Variants in RBFOX1 observed in about 807,000 individuals in gnomAD.
RBFOX1 encodes RNA binding protein fox-1 homolog 1.
Under a neutral mutation model 57.7 loss-of-function variants are expected in RBFOX1, and 8 were observed. The ratio of observed to expected loss-of-function variants is 0.14; its 90% CI spans 0.08 to 0.25. The LOEUF is 0.25. RBFOX1 is among the 10% of genes least tolerant of loss of function. The pLI is 1.00. For synonymous variants in RBFOX1, 326 were observed against 222.4 expected (o/e 1.47, Z -4.15); for missense variants, 611 against 548.5 (o/e 1.11, Z -1.14).
At position 6,816,422 on chromosome 16, in the gene RBFOX1, A is replaced by ATTT. The variant is rs34666559; in HGVS notation, c.-16+161788_-16+161790dup. Among the ~76,000 whole-genome samples, 293 of 140,748 alleles carry ATTT rather than the reference A, an allele frequency of 2.1e-3. 3 individuals carry two copies. The highest frequency in any genetic ancestry group is 7.1e-3 in the African/African-American group (271 of 38,222). 92.3% of individuals were successfully genotyped at this position (140,748 alleles called of 152,430 possible). ...GTTGCCAGACTGGCCCCTTCATGTAATTTTTTTTTTTTTTTTTTAAAGAAA... is the reference window on the plus strand; with the variant it reads ...GTTGCCAGACTGGCCCCTTCATGTAATTTTTTTTTTTTTTTTTTTTTAAAGAAA... On this transcript the variant is annotated intron_variant, in intron 3 of 15. Coordinates refer to ENST00000550418, the MANE Select transcript of RBFOX1 (RefSeq NM_018723.4).
At chr16:7,021,129 A>G (rs552388616) in intron 3 of RBFOX1, among the ~76,000 whole-genome samples, 184 of 152,124 alleles carry the variant, frequency 1.2e-3, no homozygotes, top group African/African-American at 4.3e-3. Context: ...CTCTTTTTCA[A>G]AAAAATTGTT....
intron 11 of RBFOX1, among the ~76,000 whole-genome samples, chr16:7,639,012 C>T (rs2062280952): frequency 6.6e-6 from 1 of 151,342 alleles, no homozygotes; most frequent in African/African-American, 2.5e-5. Context: ...AAGATAGGTA[C>T]CCTTCTCCTG....
At chr16:5,354,769 C>T (rs939287509) in intron 1 of RBFOX1, among the ~76,000 whole-genome samples, 2 of 152,202 alleles carry the variant, frequency 1.3e-5, no homozygotes, top group Admixed American at 6.5e-5. Flanking sequence ...GGTACCAGGG[C>T]AGGCTGGAGG....
At chr16:5,587,710 C>T (rs1229877862) in intron 2 of RBFOX1, among the ~76,000 whole-genome samples, 1 of 152,006 alleles carries the variant, frequency 6.6e-6, no homozygotes, top group Non-Finnish European at 1.5e-5. Context: ...GAGACTCTGT[C>T]TCGAAAAAGT....
At chr16:5,470,182 A>C (rs994953714) in intron 2 of RBFOX1, among the ~76,000 whole-genome samples, 2 of 152,182 alleles carry the variant, frequency 1.3e-5, no homozygotes, top group Non-Finnish European at 1.5e-5. Context: ...GCTGGCCTTC[A>C]CCCGTGTTTC....
In RBFOX1 at chr16:6,125,060, T is replaced by C. The variant is rs571967095; in HGVS notation, c.-127+105068T>C. Among the ~76,000 whole-genome samples, 5 of 152,108 alleles carry C rather than the reference T, an allele frequency of 3.3e-5. No individual in the cohort carries two copies. In the South Asian group the frequency reaches 1.0e-3, roughly 32 times the overall value. On this transcript the variant is annotated intron_variant, in intron 1 of 15. Transcript: ENST00000550418. Reference sequence around the variant, plus strand: ...TGAATGACATCACCTAGACAAGTGATCCCCTCCTCAGAGTTCCCCATCCTC... The same window carrying C: ...TGAATGACATCACCTAGACAAGTGACCCCCTCCTCAGAGTTCCCCATCCTC...
At chr16:6,502,837 C>G (rs971775562) in intron 2 of RBFOX1, among the ~76,000 whole-genome samples, 2 of 152,276 alleles carry the variant, frequency 1.3e-5, no homozygotes, top group African/African-American at 2.4e-5. Flanking sequence ...CTCGCTGGTT[C>G]TGGATTGAAT....
At chr16:6,524,679 C>G (rs904011780) in intron 2 of RBFOX1, among the ~76,000 whole-genome samples, 1 of 152,140 alleles carries the variant, frequency 6.6e-6, no homozygotes, top group Admixed American at 6.6e-5. Context: ...AGTCTGAAAT[C>G]AAGATGTCTG....
At chr16:7,043,815 A>G (rs2046979793) in intron 3 of RBFOX1, among the ~76,000 whole-genome samples, 1 of 152,194 alleles carries the variant, frequency 6.6e-6, no homozygotes, top group African/African-American at 2.4e-5. Flanking sequence ...CTCTTGTGTC[A>G]TATTCAATTA....
chr16:6,115,299 C>T (rs74004767), intron 1 of RBFOX1, among the ~76,000 whole-genome samples: 37 of 152,318 alleles, frequency 2.4e-4, no homozygotes, highest in African/African-American at 8.7e-4. Context: ...TAGGATTTCA[C>T]TGCCCCTTAG....
intron 4 of RBFOX1, among the ~76,000 whole-genome samples, chr16:7,379,836 C>T (rs1433059185): frequency 6.6e-6 from 1 of 151,686 alleles, no homozygotes; most frequent in Admixed American, 6.6e-5. Context: ...TCTTCCTTCC[C>T]TTCCTTCCTC....
chr16:6,598,233 A>C (rs1320063685), intron 2 of RBFOX1, among the ~76,000 whole-genome samples: 1 of 152,192 alleles, frequency 6.6e-6, no homozygotes, highest in East Asian at 1.9e-4. Flanking sequence ...ATAGTTTCTA[A>C]CTTGCCTTTT....
At chr16:6,292,778 GTAAAAAGAGTTGCCTGAAA>G (rs1250473799) in intron 1 of RBFOX1, among the ~76,000 whole-genome samples, 1 of 152,214 alleles carries the variant, frequency 6.6e-6, no homozygotes, top group African/African-American at 2.4e-5. Context: ...GGGTTTGGGT[GTAAAAAGAGTTGCCTGAAA>G]TAAATAGTTA....
chr16:6,046,076 G>A (rs1421644346), intron 1 of RBFOX1, among the ~76,000 whole-genome samples: 1 of 152,138 alleles, frequency 6.6e-6, no homozygotes, highest in Non-Finnish European at 1.5e-5. Context: ...GGCGTCTGAT[G>A]GTTTTACACA....
chr16:7,089,913 C>CAAA (rs5815364), intron 4 of RBFOX1, among the ~76,000 whole-genome samples: 1 of 149,914 alleles, frequency 6.7e-6, no homozygotes, highest in Admixed American at 6.6e-5. Context: ...TTTCTGCATT[C>CAAA]AAAAAAAAAA....
intron 3 of RBFOX1, among the ~76,000 whole-genome samples, chr16:6,911,149 C>T (rs951659980): frequency 8.7e-5 from 13 of 149,936 alleles, no homozygotes; most frequent in African/African-American, 2.5e-4. Flanking sequence ...TGGAGTGAGC[C>T]GATAATCGCA....
chr16:7,676,436 C>T (rs2073294152), intron 13 of RBFOX1, among the ~76,000 whole-genome samples: 1 of 152,154 alleles, frequency 6.6e-6, no homozygotes, highest in Non-Finnish European at 1.5e-5. Flanking sequence ...CTGGAAAGTT[C>T]AGCAAAGTAT....
chr16:6,769,745 A>C (rs966544930), intron 3 of RBFOX1, among the ~76,000 whole-genome samples: 1 of 152,188 alleles, frequency 6.6e-6, no homozygotes, highest in Non-Finnish European at 1.5e-5. Context: ...TTTGGGTACA[A>C]ATCTAACAAA....
chr16:6,166,362 C>T (rs1465736840), intron 1 of RBFOX1, among the ~76,000 whole-genome samples: 2 of 151,520 alleles, frequency 1.3e-5, no homozygotes. Context: ...ACCAAAGGTT[C>T]CATGGGCTCA....
Sources: allele counts gnomAD v4.1 joint callset (sites outside exome capture counted in the v4.1 genomes callset), GRCh38; gene constraint gnomAD v4.1.1; transcripts MANE v1.5; gene names NCBI Gene and HGNC (gene_info 2026-07-23, HGNC 2026-07-21).